HNRNPU: variants seen among roughly 807,000 people sequenced by gnomAD.
HNRNPU encodes HNRNPU antisense RNA 1.
In HNRNPU, 5 loss-of-function variants were observed where a neutral mutation model predicts 94.7. That is an observed-to-expected ratio of 0.05 (90% CI 0.03 to 0.11). The LOEUF (loss-of-function observed/expected upper bound fraction) is 0.11. HNRNPU is among the 10% of genes least tolerant of loss of function. HNRNPU has a pLI of 1.00. For synonymous variants in HNRNPU, 434 were observed against 381.6 expected, an observed-to-expected ratio of 1.14 and a Z score of -1.60; for missense variants, 710 against 1,049.2, an observed-to-expected ratio of 0.68 and a Z score of 4.47.
chr1:244,861,120 G>C (rs894957277), intron 3 of HNRNPU: 1 of 152,208 alleles, frequency 6.6e-6, no homozygotes, highest in Non-Finnish European at 1.5e-5. Context: ...CTTTAACCCA[G>C]CTACCTATGG....
At position 244,864,456 on chromosome 1, in the gene HNRNPU, C is replaced by T; in HGVS notation, c.-149G>A. The T allele has an allele frequency of 2.9e-6, 4 of 1,369,966 alleles. No homozygotes were observed. The highest frequency in any genetic ancestry group is 2.6e-5 in the East Asian group (1 of 38,298). The allele number at this position is 1,369,966 out of a possible 1,614,324, so 84.9% of individuals were successfully genotyped here. On this transcript the variant is annotated 5_prime_UTR_variant, in exon 1 of 14. Transcript: ENST00000640218. ...GGTTCGTGCTGCAGAGCGGATCCGCCTGGTGTCGAACGGCGCCAATTCCTT... is the reference window on the plus strand; with the variant it reads ...GGTTCGTGCTGCAGAGCGGATCCGCTTGGTGTCGAACGGCGCCAATTCCTT...
rs936983140 is a variant in HNRNPU, at chr1:244,858,745, A to G, written c.1214T>C (p.Val405Ala). 7 of 1,572,934 alleles carry G rather than the reference A, an allele frequency of 4.5e-6. No individual in the cohort carries two copies. The highest frequency in any genetic ancestry group is 5.2e-6 in the Non-Finnish European group (6 of 1,143,376). Residue 405 changes from valine to alanine, a missense_variant, in exon 6 of 14, where the codon GTG becomes GCG. Around this residue, in one of 8 missense-constraint regions of HNRNPU, gnomAD observed 150 missense variants for 187.9 expected, o/e 0.80. Coordinates refer to ENST00000640218, the MANE Select transcript of HNRNPU (RefSeq NM_031844.3). The stretch of plus-strand genomic sequence containing the variant: ...TTAACTTACAGCAAAACATGTAATC[A>G]CATCATTTTCATCAAACTTTTCTCC... ...DYGEKFDENDVITCFANFESD... is the reference protein window; with the variant it reads ...DYGEKFDENDAITCFANFESD...
rs1680589998 is a variant in HNRNPU at position 244,853,115 on chromosome 1, G to A, written c.*1335C>T. 6.6e-6 allele frequency: 1 copy of A among 152,454 alleles called. No homozygotes were observed. The highest frequency in any genetic ancestry group is 6.6e-5 in the Admixed American group (1 of 15,252). 9.4% of individuals were successfully genotyped at this position (152,454 alleles called of 1,614,324 possible). On this transcript the variant is annotated 3_prime_UTR_variant, in exon 14 of 14. Coordinates refer to ENST00000640218, the MANE Select transcript of HNRNPU (RefSeq NM_031844.3). ...GAGGACAGCATTAGCATTCTGTAAA[G>A]ATGATAAACTCAGTGTTAACTTCTC...
At chr1:244,860,265 C>A in intron 4 of HNRNPU, 70 bp downstream of exon 4, 1 of 1,416,166 alleles carries the variant, frequency 7.1e-7, no homozygotes, top group Non-Finnish European at 9.7e-7. Flanking sequence ...CGCACCACGG[C>A]AATCCAGCCT....
At chr1:244,860,744 G>A (rs1680803842) in intron 3 of HNRNPU, 2 of 516,534 alleles carry the variant, frequency 3.9e-6, no homozygotes, top group Admixed American at 3.8e-5. Flanking sequence ...TCAAGACAAT[G>A]TGACATTAAT....
chr1:244,853,930 G>A lies in HNRNPU; in HGVS notation c.*520C>T, dbSNP rs1469693409. On this transcript the variant is annotated 3_prime_UTR_variant, in exon 14 of 14. Transcript: ENST00000640218. ...AGTTATTGTCAGAAACTATGATTTA[G>A]CTTACCCCCTCCACTACCCAGCAAA... 1 of 152,616 alleles carries A rather than the reference G, an allele frequency of 6.6e-6. No individual in the cohort carries two copies. Among genetic ancestry groups the A allele is most frequent in the East Asian group, 1.9e-4 (1 of 5,194 alleles). 9.5% of individuals were successfully genotyped at this position (152,616 alleles called of 1,614,324 possible).
chr1:244,864,453 C>A lies in HNRNPU; in HGVS notation c.-146G>T. 7.3e-7 allele frequency: 1 copy of A among 1,369,920 alleles called. No individual in the cohort carries two copies. Among genetic ancestry groups the A allele is most frequent in the Admixed American group, 2.8e-5 (1 of 35,414 alleles). 84.9% of individuals were successfully genotyped at this position (1,369,920 alleles called of 1,614,324 possible). ...ATGGGTTCGTGCTGCAGAGCGGATCCGCCTGGTGTCGAACGGCGCCAATTC... is the reference window on the plus strand; with the variant it reads ...ATGGGTTCGTGCTGCAGAGCGGATCAGCCTGGTGTCGAACGGCGCCAATTC... On this transcript the variant is annotated 5_prime_UTR_variant, in exon 1 of 14. Coordinates refer to ENST00000640218, the MANE Select transcript of HNRNPU (RefSeq NM_031844.3).
intron 10 of HNRNPU, 84 bp downstream of exon 10, chr1:244,856,373 A>G: frequency 7.2e-7 from 1 of 1,393,802 alleles, no homozygotes; most frequent in East Asian, 2.3e-5. Context: ...AATAGATTTA[A>G]CATAGTTACA....
At chr1:244,862,839 T>A in intron 1 of HNRNPU, 109 bp from the exon 2 acceptor site, 1 of 773,502 alleles carries the variant, frequency 1.3e-6, no homozygotes, top group Non-Finnish European at 2.3e-6. Context: ...TTAACTGAGG[T>A]TTTAACCGAG....
chr1:244,858,421 G>C (rs1339151131), intron 6 of HNRNPU, 147 bp from the exon 7 acceptor site: 1 of 678,960 alleles, frequency 1.5e-6, no homozygotes, highest in Non-Finnish European at 2.5e-6. Flanking sequence ...ACACAGTTAA[G>C]AAATCTGATG....
rs1680934637 is a variant in HNRNPU at position 244,864,088 on chromosome 1, G to C, written c.220C>G (p.Leu74Val). 1.3e-6 allele frequency: 2 copies of C among 1,598,624 alleles called. No homozygotes were observed. The highest frequency in any genetic ancestry group is 2.7e-5 in the African/African-American group (2 of 74,598). The change falls in exon 1 of 14, where the codon CTC (leucine) becomes GTC (valine). Residue 74 changes from leucine to valine, a missense_variant. By Grantham distance (32) the Leu-to-Val change is conservative. This residue lies in a region of HNRNPU where 292 missense variants were observed against 293.4 expected (regional missense o/e 1.00). Coordinates refer to ENST00000640218, the MANE Select transcript of HNRNPU (RefSeq NM_031844.3). ...GDSAGRSGAG[L>V]EQEAAAGGDE... is the part of the protein sequence containing the mutation. ...CCGCCGGCCGCGGCCTCCTGCTCGA[G>C]GCCTGCTCCCGAGCGCCCAGCGGAA...
Position 244,855,573 on chromosome 1 carries a change from T to C in HNRNPU, c.2203A>G (p.Asn735Asp), listed in dbSNP as rs1452812618. The C allele has an allele frequency of 6.2e-7, 1 of 1,614,078 alleles. No individual in the cohort carries two copies. Among genetic ancestry groups the C allele is most frequent in the South Asian group, 1.1e-5 (1 of 91,086 alleles). Reference protein sequence around the residue: ...GNRGGYNRRGNMPQRGGGGGG... With the variant: ...GNRGGYNRRGDMPQRGGGGGG... ...CCGCCACCACCTCTCTGTGGCATGT[T>C]GCCCCTCCTATTATATCCGCCACGA... Residue 735 changes from asparagine (N) to aspartate (D), a missense_variant, in exon 12 of 14, where the codon AAC becomes GAC. Around this residue, in one of 8 missense-constraint regions of HNRNPU, gnomAD observed 152 missense variants for 238.9 expected, o/e 0.64. Coordinates refer to ENST00000640218, the MANE Select transcript of HNRNPU (RefSeq NM_031844.3).
intron 3 of HNRNPU, 52 bp from the exon 4 acceptor site, chr1:244,860,526 C>T: frequency 1.4e-6 from 2 of 1,451,796 alleles, no homozygotes; most frequent in Non-Finnish European, 1.9e-6. Context: ...GTAAACATAT[C>T]TGCTATGTAG....
In HNRNPU at chr1:244,854,366, TA is replaced by T; in HGVS notation, c.*83del. Reference sequence around the variant, plus strand: ...CAGGCACTTCCTCTTGTGGAATGTTTAAAAAGTTAGCCTACTAAAGAAAACA... The same window carrying T: ...CAGGCACTTCCTCTTGTGGAATGTTTAAAAGTTAGCCTACTAAAGAAAACA... On this transcript the variant is annotated 3_prime_UTR_variant, in exon 14 of 14. Coordinates refer to ENST00000640218, the MANE Select transcript of HNRNPU (RefSeq NM_031844.3). The T allele has an allele frequency of 1.1e-6, 1 of 939,392 alleles. No individual in the cohort carries two copies. The allele number at this position is 939,392 out of a possible 1,614,324, so 58.2% of individuals were successfully genotyped here.
At chr1:244,859,020 C>T (rs549720175) in intron 5 of HNRNPU, 179 bp from the exon 6 acceptor site, 50 of 588,726 alleles carry the variant, frequency 8.5e-5, no homozygotes, top group Non-Finnish European at 1.2e-4. Context: ...GGGATATATA[C>T]GCAGAGACCA....
intron 12 of HNRNPU, 81 bp from the exon 13 acceptor site, chr1:244,855,125 T>C (rs939497706): frequency 1.8e-6 from 2 of 1,093,698 alleles, no homozygotes; most frequent in African/African-American, 3.1e-5. Context: ...GGAGCAGAAA[T>C]GGACAGGTTG....
intron 3 of HNRNPU, 119 bp downstream of exon 3, chr1:244,862,342 C>T (rs1047323490): frequency 1.5e-6 from 1 of 667,154 alleles, no homozygotes; most frequent in Non-Finnish European, 2.6e-6. Context: ...CATTATCTTC[C>T]TGCTTTTAAA....
chr1:244,855,294 G>A, intron 12 of HNRNPU, 130 bp downstream of exon 12: 1 of 930,044 alleles, frequency 1.1e-6, no homozygotes, highest in Non-Finnish European at 1.7e-6. Flanking sequence ...ACCATTACTA[G>A]TTCAATTTTC....
At chr1:244,863,214 G>A (rs183607211) in intron 1 of HNRNPU, 2,838 of 169,766 alleles carry the variant, frequency 0.017, 36 homozygotes, top group Admixed American at 0.025. Context: ...GCCCGCCCCG[G>A]GACCTGGGGC....
Sources: allele counts gnomAD v4.1 joint callset, GRCh38; gene constraint gnomAD v4.1.1; regional missense constraint gnomAD v4.1.1; transcripts MANE v1.5; gene names NCBI Gene and HGNC (gene_info 2026-07-23, HGNC 2026-07-21).